The following KLHL10 variants were observed in gnomAD, a reference collection of about 807,000 sequenced individuals.
KLHL10 encodes the protein kelch like family member 10, also known as kelch-like protein 10.
In KLHL10, 11 loss-of-function variants were observed where a neutral mutation model predicts 46.6. That is an observed-to-expected ratio of 0.24 (90% CI 0.15 to 0.39). KLHL10 has a LOEUF of 0.39. Ranked by LOEUF, KLHL10 falls within the 10% of genes least tolerant of loss-of-function variation. KLHL10 has a pLI of 1.00. For missense variants in KLHL10, 475 were observed against 789.8 expected, an observed-to-expected ratio of 0.60 and a Z score of 4.78; for synonymous variants, 254 against 279.1, an observed-to-expected ratio of 0.91 and a Z score of 0.90.
At chr17:41,836,537 CTG>C, upstream of KLHL10, 2 of 848,610 alleles carry the variant, frequency 2.4e-6, no homozygotes, top group Non-Finnish European at 2.8e-6. Flanking sequence ...AAAAACATGA[CTG>C]GGGCTGGGCG....
Position 41,842,100 on chromosome 17 carries a change from C to G in KLHL10, c.472C>G (p.Gln158Glu). Residue 158 changes from glutamine to glutamate, a missense_variant, in exon 2 of 5, where the codon CAG (glutamine) becomes GAG (glutamate). By Grantham distance (29) the Gln-to-Glu change is conservative. Transcript: ENST00000293303. ...CTACTACTACTGTCCTGAGCTGAGG[C>G]AGAAGGCCTACATGTTCATACTGCA... Reference protein sequence around the residue: ...TDYYYCPELRQKAYMFILHNF... With the variant: ...TDYYYCPELREKAYMFILHNF... 1 of 1,614,108 alleles carries G rather than the reference C, an allele frequency of 6.2e-7. No individual in the cohort carries two copies. Among genetic ancestry groups the G allele is most frequent in the Non-Finnish European group, 8.5e-7 (1 of 1,180,022 alleles).
intron 3 of KLHL10, 153 bp downstream of exon 3, chr17:41,845,896 T>G: frequency 4.2e-6 from 4 of 949,378 alleles, no homozygotes; most frequent in South Asian, 1.5e-5. Context: ...TAGTTGCAAC[T>G]GTCTTTTATG....
At chr17:41,839,751 C>T (rs2048207527) in intron 1 of KLHL10, among the ~76,000 whole-genome samples, 1 of 152,144 alleles carries the variant, frequency 6.6e-6, no homozygotes, top group African/African-American at 2.4e-5. Context: ...CTTGCTCTGT[C>T]ACCCAGGCTG....
chr17:41,840,745 A>G (rs1462266577), intron 1 of KLHL10, among the ~76,000 whole-genome samples: 1 of 152,090 alleles, frequency 6.6e-6, no homozygotes, highest in Non-Finnish European at 1.5e-5. Context: ...ATTTGGACAG[A>G]GTCCATAGGT....
intron 1 of KLHL10, among the ~76,000 whole-genome samples, chr17:41,840,096 G>T (rs146040273): frequency 3.2e-3 from 482 of 152,296 alleles, no homozygotes; most frequent in Non-Finnish European, 4.2e-3. Context: ...CTCCCAGAGT[G>T]CTGGGATTAC....
intron 2 of KLHL10, among the ~76,000 whole-genome samples, chr17:41,843,762 A>ATTAT (rs531880551): frequency 2.0e-4 from 30 of 151,816 alleles, no homozygotes; most frequent in Non-Finnish European, 3.5e-4. Flanking sequence ...ATAAATATTT[A>ATTAT]TTATTTATTT....
At chr17:41,847,032 T>C (rs1597941390) in intron 3 of KLHL10, among the ~76,000 whole-genome samples, 1 of 152,170 alleles carries the variant, frequency 6.6e-6, no homozygotes, top group African/African-American at 2.4e-5. Flanking sequence ...GGAGAATTGT[T>C]AGAACCCAGG....
Position 41,838,230 on chromosome 17 carries a change from A to G in KLHL10, c.194+104A>G, listed in dbSNP as rs538021339. On this transcript the variant is annotated intron_variant, in intron 1 of 4. Transcript: ENST00000293303. ...ACCCCATCACCTTAACTTTAGGGAC[A>G]CTGTCAAAGCTCTGGGCTCCTTAAA... is the stretch of plus-strand genomic sequence containing the variant. The G allele has an allele frequency of 1.3e-3, 1,369 of 1,042,232 alleles. 2 individuals carry two copies. The highest frequency in any genetic ancestry group is 1.4e-3 in the Non-Finnish European group (951 of 668,212). The allele number at this position is 1,042,232 out of a possible 1,614,324, so 64.6% of individuals were successfully genotyped here.
At chr17:41,841,064 C>G (rs2048221009) in intron 1 of KLHL10, among the ~76,000 whole-genome samples, 2 of 151,586 alleles carry the variant, frequency 1.3e-5, no homozygotes. Context: ...TGCTTGCACT[C>G]TGGAGTTGGA....
intron 1 of KLHL10, among the ~76,000 whole-genome samples, chr17:41,839,114 C>T (rs1281506983): frequency 6.6e-6 from 1 of 152,192 alleles, no homozygotes; most frequent in African/African-American, 2.4e-5. Flanking sequence ...GTCTCAGCCT[C>T]CCGAGTAGCT....
chr17:41,846,557 T>C (rs1597940946), intron 3 of KLHL10, among the ~76,000 whole-genome samples: 2 of 147,224 alleles, frequency 1.4e-5, no homozygotes, highest in South Asian at 4.3e-4. Context: ...AAAAGTAATG[T>C]GTAATGTGGC....
At chr17:41,847,510 C>CT (rs370591937) in intron 4 of KLHL10, 100 bp downstream of exon 4, 43,606 of 1,125,816 alleles carry the variant, frequency 0.039, 6 homozygotes, top group Non-Finnish European at 0.042. Flanking sequence ...ATTTGAAAAG[C>CT]TTTTTTTTTT....
chr17:41,846,209 C>T (rs1200295236), intron 3 of KLHL10, among the ~76,000 whole-genome samples: 1 of 150,008 alleles, frequency 6.7e-6, no homozygotes, highest in African/African-American at 2.5e-5. Context: ...AAGACTCCAT[C>T]TCAAAAGAAA....
intron 2 of KLHL10, among the ~76,000 whole-genome samples, chr17:41,843,830 C>T (rs1416838211): frequency 3.3e-5 from 5 of 152,054 alleles, no homozygotes; most frequent in East Asian, 1.9e-4. Flanking sequence ...GATGCGATCG[C>T]GGCTCACTGC....
chr17:41,838,642 TTTTG>T (rs1555620440), intron 1 of KLHL10, among the ~76,000 whole-genome samples: 2 of 97,674 alleles, frequency 2.0e-5, no homozygotes, highest in Admixed American at 2.8e-4. Context: ...TCTTTTTTTT[TTTTG>T]TTTGTTTTGT....
upstream of KLHL10, chr17:41,835,981 A>C (rs1555619938): frequency 6.4e-7 from 1 of 1,554,002 alleles, no homozygotes; most frequent in African/African-American, 1.4e-5. Context: ...CGAGAGAACC[A>C]CTGACCCCTG....
intron 1 of KLHL10, among the ~76,000 whole-genome samples, chr17:41,840,943 A>C: frequency 6.6e-6 from 1 of 152,122 alleles, no homozygotes; most frequent in East Asian, 1.9e-4. Context: ...TGATGAAACC[A>C]GCCTGGCCAA....
At chr17:41,841,277 GA>G (rs2048223607) in intron 1 of KLHL10, among the ~76,000 whole-genome samples, 1 of 152,164 alleles carries the variant, frequency 6.6e-6, no homozygotes. Context: ...AAATGCCTGG[GA>G]AAATAAGAAA....
intron 1 of KLHL10, among the ~76,000 whole-genome samples, chr17:41,840,054 C>T (rs1490660283): frequency 6.6e-6 from 1 of 152,080 alleles, no homozygotes; most frequent in Non-Finnish European, 1.5e-5. Flanking sequence ...TGGTCTTGAA[C>T]TCCTGACTTC....
Sources: allele counts gnomAD v4.1 joint callset (sites outside exome capture counted in the v4.1 genomes callset), GRCh38; gene constraint gnomAD v4.1.1; transcripts MANE v1.5; gene names NCBI Gene and HGNC (gene_info 2026-07-23, HGNC 2026-07-21).